CD82: variants seen among roughly 807,000 people sequenced by gnomAD.
The protein encoded by CD82 is CD82 antigen.
In CD82, 36 loss-of-function variants were observed where a neutral mutation model predicts 37.4. The observed-to-expected ratio is 0.96, with a 90% CI of 0.74 to 1.27. The LOEUF is 1.27. Ranked by LOEUF, CD82 falls within the 50% of genes most tolerant of loss-of-function variation. The pLI is 0.00. For synonymous variants in CD82, 158 were observed against 137.4 expected, an observed-to-expected ratio of 1.15 and a Z score of -1.05; for missense variants, 340 against 347.0, an observed-to-expected ratio of 0.98 and a Z score of 0.16.
rs983367410 is a variant in CD82, at chr11:44,597,936, G to A, written c.64-2222G>A. Among the ~76,000 whole-genome samples the A allele has an allele frequency of 1.3e-5, 2 of 152,168 alleles. No homozygotes were observed. Among genetic ancestry groups the A allele is most frequent in the South Asian group, 4.1e-4 (2 of 4,832 alleles). ...ATTAAGGTGGACCCACCTTCCAGCAGACTCTTCTCCTCCCCAGTGTCTCAG... is the reference window on the plus strand; with the variant it reads ...ATTAAGGTGGACCCACCTTCCAGCAAACTCTTCTCCTCCCCAGTGTCTCAG... On this transcript the variant is annotated intron_variant, in intron 3 of 9. Coordinates refer to ENST00000227155, the MANE Select transcript of CD82 (RefSeq NM_002231.4). This position sits in a 1 kb window ranked among gnomAD's most constrained non-coding sequence, Gnocchi z 4.1.
chr11:44,595,908 CAAAAA>C (rs71449886), intron 3 of CD82, among the ~76,000 whole-genome samples: 14,204 of 69,192 alleles, frequency 0.21, 567 homozygotes, highest in East Asian at 0.31. Flanking sequence ...TGTTTCTCTA[CAAAAA>C]AAAAAAAAAA....
chr11:44,603,537 G>A (rs1853343271), intron 4 of CD82, among the ~76,000 whole-genome samples: 3 of 152,148 alleles, frequency 2.0e-5, no homozygotes, highest in Admixed American at 1.3e-4. Flanking sequence ...GCCTCCTGCT[G>A]GGAGCGTCTT....
chr11:44,596,376 G>A (rs982976145), intron 3 of CD82, among the ~76,000 whole-genome samples: 2 of 152,260 alleles, frequency 1.3e-5, no homozygotes, highest in Non-Finnish European at 2.9e-5. Context: ...GGGGCTTTAG[G>A]GACTAGAGAG....
intron 7 of CD82, among the ~76,000 whole-genome samples, chr11:44,616,237 G>A (rs1351668080): frequency 3.9e-5 from 6 of 152,172 alleles, no homozygotes; most frequent in Admixed American, 3.9e-4. Context: ...AGGTGACATG[G>A]ACATGGCCAT....
At position 44,596,565 on chromosome 11, in the gene CD82, G is replaced by A. The variant is rs377246299; in HGVS notation, c.63+1840G>A. Among the ~76,000 whole-genome samples the A allele has an allele frequency of 8.5e-5, 13 of 152,304 alleles. No homozygotes were observed. The East Asian group carries it at 1.2e-3, about 14-fold the overall frequency. ...AGTTGCCCTGTGGAACCAGGGACTG[G>A]AAAAGCTGCTCTCTGGCCAGGGCTT... On this transcript the variant is annotated intron_variant, in intron 3 of 9. Transcript: ENST00000227155.
intron 6 of CD82, among the ~76,000 whole-genome samples, chr11:44,611,421 G>A (rs888880665): frequency 6.6e-6 from 1 of 152,222 alleles, no homozygotes; most frequent in South Asian, 2.1e-4. Context: ...AAAGAGGGCC[G>A]GGTATGTGAG....
At position 44,620,287 on chromosome 11, in the gene CD82, G is replaced by A. The variant is rs1853646603; in HGVS notation, c.*1161G>A. On this transcript the variant is annotated 3_prime_UTR_variant, in exon 10 of 10. Coordinates refer to ENST00000227155, the MANE Select transcript of CD82 (RefSeq NM_002231.4). ...GGCTGTGCCTTGTAGGGGGAGAGGG[G>A]AGGGGGCTTTGTGTGCACCATTCTG... The A allele has an allele frequency of 6.6e-6, 1 of 151,964 alleles. No homozygotes were observed. Among genetic ancestry groups the A allele is most frequent in the Non-Finnish European group, 1.5e-5 (1 of 68,006 alleles). 9.4% of individuals were successfully genotyped at this position (151,964 alleles called of 1,614,324 possible). A position where few individuals can be genotyped will look rare whatever the true frequency, so the allele number is the denominator to read the frequency against.
intron 1 of CD82, chr11:44,585,290 A>G (rs1158128523): frequency 1.5e-5 from 7 of 456,212 alleles, no homozygotes; most frequent in Non-Finnish European, 2.2e-5. Context: ...CATCATCATC[A>G]TAGTTGGTAA....
chr11:44,589,207 G>T (rs893905425), intron 2 of CD82, among the ~76,000 whole-genome samples: 1 of 152,222 alleles, frequency 6.6e-6, no homozygotes, highest in Non-Finnish European at 1.5e-5. Flanking sequence ...CATGAGCCAA[G>T]ATTGTGCCAC....
intron 1 of CD82, among the ~76,000 whole-genome samples, chr11:44,568,986 C>A (rs1171937214): frequency 6.6e-6 from 1 of 152,236 alleles, no homozygotes; most frequent in Non-Finnish European, 1.5e-5. Context: ...ATGGGAAGCT[C>A]ACAGGGGGCG....
At chr11:44,610,557 G>A (rs1853465595) in intron 6 of CD82, among the ~76,000 whole-genome samples, 2 of 152,210 alleles carry the variant, frequency 1.3e-5, no homozygotes. Context: ...GGTGGGACGT[G>A]AGTAGAGCCA....
At chr11:44,569,233 C>A (rs1294033123) in intron 1 of CD82, among the ~76,000 whole-genome samples, 1 of 152,126 alleles carries the variant, frequency 6.6e-6, no homozygotes, top group Non-Finnish European at 1.5e-5. Flanking sequence ...TTGCTCCCCT[C>A]GCCCCTGATG....
chr11:44,573,446 G>A (rs1397306042), intron 1 of CD82, among the ~76,000 whole-genome samples: 1 of 152,192 alleles, frequency 6.6e-6, no homozygotes, highest in African/African-American at 2.4e-5. Context: ...CATGGAGCAA[G>A]TGGGTGTCTA....
intron 1 of CD82, among the ~76,000 whole-genome samples, chr11:44,568,588 G>T (rs537010914): frequency 1.3e-5 from 2 of 152,304 alleles, no homozygotes; most frequent in African/African-American, 4.8e-5. Context: ...GGGAGGATAG[G>T]GGTGAGAGGT....
intron 1 of CD82, among the ~76,000 whole-genome samples, chr11:44,569,117 C>G (rs887393865): frequency 6.6e-6 from 1 of 152,236 alleles, no homozygotes; most frequent in Non-Finnish European, 1.5e-5. Context: ...CGTTTAATCT[C>G]AGCAGGAACT....
Position 44,577,464 on chromosome 11 carries a change from C to T in CD82, c.-102-10011C>T, listed in dbSNP as rs73454711. Among the ~76,000 whole-genome samples the T allele has an allele frequency of 1.9e-3, 296 of 152,176 alleles. 1 individual carries two copies. The highest frequency in any genetic ancestry group is 6.8e-3 in the African/African-American group (282 of 41,508). ...CTGTGCAGTGGGTGAACTGGCTGAC[C>T]GGGTTGGTTAACTCCCCAGTGAGGC... On this transcript the variant is annotated intron_variant, in intron 1 of 9. Coordinates refer to ENST00000227155, the MANE Select transcript of CD82 (RefSeq NM_002231.4).
intron 3 of CD82, 32 bp downstream of exon 3, chr11:44,594,757 C>T: frequency 6.4e-7 from 1 of 1,569,068 alleles, no homozygotes; most frequent in Non-Finnish European, 8.8e-7. Flanking sequence ...CTGACCACCT[C>T]CGAAAAGATT....
Position 44,618,252 on chromosome 11 carries a change from G to C in CD82, c.529G>C (p.Glu177Gln). ...TGAGGTCACCTACCCCTGTTCCTGCGAAGTCAAGGGGGAAGAGGACAACAG... is the reference window on the plus strand; with the variant it reads ...TGAGGTCACCTACCCCTGTTCCTGCCAAGTCAAGGGGGAAGAGGACAACAG... Reference protein sequence around the residue: ...RPEVTYPCSCEVKGEEDNSLS... With the variant: ...RPEVTYPCSCQVKGEEDNSLS... The change falls in exon 8 of 10, where the codon GAA becomes CAA. Residue 177 changes from glutamate (E) to glutamine (Q), a missense_variant. Physicochemically the swap from Glu to Gln is conservative, Grantham distance 29. Coordinates refer to ENST00000227155, the MANE Select transcript of CD82 (RefSeq NM_002231.4). 6.2e-7 allele frequency: 1 copy of C among 1,614,106 alleles called. No individual in the cohort carries two copies.
chr11:44,577,554 TGA>T (rs1289826833), intron 1 of CD82, among the ~76,000 whole-genome samples: 1 of 152,156 alleles, frequency 6.6e-6, no homozygotes, highest in African/African-American at 2.4e-5. Context: ...GGCATGCAGC[TGA>T]GTCTATGCAT....
Sources: allele counts gnomAD v4.1 joint callset (sites outside exome capture counted in the v4.1 genomes callset), GRCh38; gene constraint gnomAD v4.1.1; non-coding constraint Gnocchi (gnomAD v3.1); transcripts MANE v1.5; gene names NCBI Gene and HGNC (gene_info 2026-07-23, HGNC 2026-07-21).